The following MED23 variants were observed in gnomAD, a reference collection of about 807,000 sequenced individuals.
MED23 encodes the protein mediator complex subunit 23.
MED23 carries 105 observed loss-of-function variants against 163.9 expected under a neutral mutation model. The observed-to-expected ratio is 0.64, with a 90% CI of 0.55 to 0.75. The LOEUF is 0.75. MED23 is among the 30% of genes least tolerant of loss of function. The probability of loss-of-function intolerance (pLI) is 0.00; values close to 1 mark genes in which losing one functional copy is unlikely to be tolerated. For synonymous variants in MED23, 561 were observed against 565.6 expected (o/e 0.99, Z 0.12); for missense variants, 1,054 against 1,649.0 (o/e 0.64, Z 6.25).
At chr6:131,593,472 A>G (rs1774806271) in intron 23 of MED23, among the ~76,000 whole-genome samples, 1 of 152,198 alleles carries the variant, frequency 6.6e-6, no homozygotes, top group South Asian at 2.1e-4. Flanking sequence ...TAAGACATTA[A>G]TATGAAAATT....
At chr6:131,592,940 TGAAATA>T (rs1774756043) in intron 24 of MED23, 60 bp downstream of exon 24, 17 of 1,583,058 alleles carry the variant, frequency 1.1e-5, no homozygotes, top group Middle Eastern at 3.6e-4. Flanking sequence ...CTTAAAAGTT[TGAAATA>T]GAATACCATT....
chr6:131,584,409 A>C (rs965994697), downstream of MED23: 5 of 152,756 alleles, frequency 3.3e-5, no homozygotes, highest in East Asian at 1.9e-4. Context: ...CCACATTCAT[A>C]AAAACGTCCT....
Position 131,609,334 on chromosome 6 carries a change from C to T in MED23, c.1077+712G>A, listed in dbSNP as rs549112838. ...TTCCTTATCTCATCAACGATTTCCC[C>T]TTTATATTTTTATTTCCAGTTCTCA... On this transcript the variant is annotated intron_variant, in intron 11 of 28. Transcript: ENST00000368068. Among the ~76,000 whole-genome samples, 40 of 152,152 alleles carry T rather than the reference C, an allele frequency of 2.6e-4. No individual in the cohort carries two copies. In the East Asian group the frequency reaches 7.2e-3, roughly 27 times the overall value.
intron 15 of MED23, 35 bp from the exon 16 acceptor site, chr6:131,603,239 T>C: frequency 6.3e-7 from 1 of 1,597,852 alleles, no homozygotes; most frequent in South Asian, 1.1e-5. Flanking sequence ...TACCAATTAT[T>C]AAAGGCTATG....
rs1318028487 is a variant in MED23 at position 131,589,567 on chromosome 6, C to T, written c.3837G>A (p.Leu1279=). The change falls in exon 28 of 29, where the codon CTG becomes CTA. Residue 1279 remains leucine (L), a synonymous_variant. Transcript: ENST00000368068. ...AATGGGTGCTACACTGGTCAACATT[C>T]AGCAGCATGTCATAAAACGCCACAC... is the stretch of plus-strand genomic sequence containing the variant. ...EIGVAFYDML[L]NVDQCSTHLN... is the part of the protein sequence containing the mutation. The T allele has an allele frequency of 2.5e-6, 4 of 1,613,934 alleles. No homozygotes were observed. Among genetic ancestry groups the T allele is most frequent in the Non-Finnish European group, 3.4e-6 (4 of 1,179,884 alleles).
intron 7 of MED23, among the ~76,000 whole-genome samples, 185 bp downstream of exon 7, chr6:131,620,443 G>A (rs1458702176): frequency 2.0e-5 from 3 of 152,160 alleles, no homozygotes; most frequent in African/African-American, 7.2e-5. Context: ...GTGCTACTAT[G>A]CCTGGCTAAT....
At chr6:131,608,621 G>A (rs1005375846) in intron 11 of MED23, among the ~76,000 whole-genome samples, 2 of 152,050 alleles carry the variant, frequency 1.3e-5, no homozygotes, top group Admixed American at 6.6e-5. Flanking sequence ...TCCCAGGCTG[G>A]TCTCGAACTC....
chr6:131,598,854 A>T lies in MED23; in HGVS notation c.2221-93T>A, dbSNP rs1025348274. ...AACCAGTTCTAGACTTGATTCTGAC[A>T]CTAATAAACTCTAGGTCACCTTGAG... On this transcript the variant is annotated intron_variant, in intron 18 of 28. Transcript: ENST00000368068. The surrounding 1 kb of genome is among the most constrained non-coding windows in gnomAD (Gnocchi z 4.7). 15 of 1,206,124 alleles carry T rather than the reference A, an allele frequency of 1.2e-5. No homozygotes were observed. The highest frequency in any genetic ancestry group is 1.9e-5 in the Admixed American group (1 of 53,936). 74.7% of individuals were successfully genotyped at this position (1,206,124 alleles called of 1,614,324 possible).
intron 5 of MED23, among the ~76,000 whole-genome samples, 166 bp from the exon 6 acceptor site, chr6:131,622,145 T>C (rs1388140901): frequency 6.6e-6 from 1 of 152,182 alleles, no homozygotes; most frequent in Non-Finnish European, 1.5e-5. Flanking sequence ...AGAGTCATGT[T>C]CCAAAACAGA....
intron 4 of MED23, among the ~76,000 whole-genome samples, 171 bp downstream of exon 4, chr6:131,624,694 C>A (rs1295954087): frequency 6.6e-6 from 1 of 152,176 alleles, no homozygotes; most frequent in Non-Finnish European, 1.5e-5. Context: ...TTACCTAATT[C>A]AAAGACTATT....
Position 131,617,674 on chromosome 6 carries a change from G to A in MED23, c.780+733C>T, listed in dbSNP as rs911092148. Among the ~76,000 whole-genome samples, 6 of 152,196 alleles carry A rather than the reference G, an allele frequency of 3.9e-5. No homozygotes were observed. The East Asian group carries it at 1.2e-3, about 29-fold the overall frequency. ...TAAAAACAGAATAACCAAAGTGACT[G>A]TTTTACAAAGACATTCTTATAGCAA... is the stretch of plus-strand genomic sequence containing the variant. On this transcript the variant is annotated intron_variant, in intron 9 of 28. Coordinates refer to ENST00000368068, the MANE Select transcript of MED23 (RefSeq NM_004830.4).
At chr6:131,574,189 G>T in exon 31 of MED23, 1 of 1,319,836 alleles carries the variant, frequency 7.6e-7, no homozygotes, top group African/African-American at 1.4e-5. Flanking sequence ...ACAAGACAAT[G>T]TATGAGTTGA....
chr6:131,624,597 G>T (rs113738854), intron 4 of MED23, among the ~76,000 whole-genome samples: 2,925 of 152,298 alleles, frequency 0.019, 54 homozygotes, highest in Non-Finnish European at 0.026. Flanking sequence ...TGTTGAGGTT[G>T]TGCAGCAAAA....
chr6:131,628,104 G>A lies in MED23; in HGVS notation c.-55C>T, dbSNP rs1373162536. On this transcript the variant is annotated 5_prime_UTR_variant, in exon 1 of 29. Coordinates refer to ENST00000368068, the MANE Select transcript of MED23 (RefSeq NM_004830.4). ...GCCCGGCAAGGCCCGGATCAGACTC[G>A]AGCTCTGGGAATATAGGGGCAGAGG... 5 of 1,601,224 alleles carry A rather than the reference G, an allele frequency of 3.1e-6. No individual in the cohort carries two copies. Among genetic ancestry groups the A allele is most frequent in the Middle Eastern group, 1.7e-4 (1 of 6,040 alleles).
chr6:131,592,581 T>TA, intron 24 of MED23, 121 bp from the exon 25 acceptor site: 1 of 853,290 alleles, frequency 1.2e-6, no homozygotes, highest in Non-Finnish European at 1.9e-6. Flanking sequence ...TCCATTTCAA[T>TA]AAAACAATGG....
At chr6:131,613,593 G>T (rs1481725377) in intron 10 of MED23, among the ~76,000 whole-genome samples, 4 of 152,032 alleles carry the variant, frequency 2.6e-5, no homozygotes, top group Non-Finnish European at 4.4e-5. Flanking sequence ...TTTCCAGTAG[G>T]TAAAAATATC....
At chr6:131,622,761 A>G (rs1386386249) in intron 5 of MED23, among the ~76,000 whole-genome samples, 4 of 152,192 alleles carry the variant, frequency 2.6e-5, no homozygotes, top group Non-Finnish European at 4.4e-5. Flanking sequence ...AAATCATTTC[A>G]GATTAGAGAA....
In MED23 at chr6:131,589,550, C is replaced by A; in HGVS notation, c.3854G>T (p.Ser1285Ile). Residue 1285 changes from serine to isoleucine, a missense_variant, in exon 28 of 29, where the codon AGC becomes ATC. Ser to Ile is a moderately radical substitution (Grantham distance 142). This residue lies in a region of MED23 where 362 missense variants were observed against 471.6 expected (regional missense o/e 0.77). Transcript: ENST00000368068. The part of the protein sequence containing the change: ...YDMLLNVDQC[S>I]THLNYMDPIC... ...GGGATCCATGTAATTTAAATGGGTG[C>A]TACACTGGTCAACATTCAGCAGCAT... The A allele has an allele frequency of 6.2e-7, 1 of 1,613,700 alleles. No homozygotes were observed.
intron 30 of MED23, among the ~76,000 whole-genome samples, chr6:131,581,613 T>G (rs1473769303): frequency 6.6e-6 from 1 of 152,176 alleles, no homozygotes; most frequent in Admixed American, 6.6e-5. Flanking sequence ...ATCCTTTTAG[T>G]AGGTGGGGCA....
Sources: gnomAD v4.1 joint callset for allele counts (sites outside exome capture counted in the v4.1 genomes callset) on GRCh38, gnomAD v4.1.1 for gene constraint, gnomAD v4.1.1 regional missense constraint, Gnocchi (gnomAD v3.1) non-coding constraint, MANE v1.5 for transcripts, NCBI Gene and HGNC (gene_info 2026-07-23, HGNC 2026-07-21) for gene names.